ERC2: variants seen among roughly 807,000 people sequenced by gnomAD.
The protein encoded by ERC2 is ERC protein 2.
A neutral mutation model predicts 114.8 loss-of-function variants in ERC2; 42 were observed. The observed-to-expected ratio is 0.37, with a 90% CI of 0.29 to 0.47. The LOEUF (loss-of-function observed/expected upper bound fraction) is 0.47. ERC2 is among the 20% of genes least tolerant of loss of function. ERC2 has a pLI of 0.99. For synonymous variants in ERC2, 454 were observed against 425.5 expected, an observed-to-expected ratio of 1.07 and a Z score of -0.82; for missense variants, 939 against 1,150.7, an observed-to-expected ratio of 0.82 and a Z score of 2.66.
intron 3 of ERC2, among the ~76,000 whole-genome samples, chr3:56,249,273 A>C (rs1576075071): frequency 6.6e-6 from 1 of 152,236 alleles, no homozygotes; most frequent in Non-Finnish European, 1.5e-5. Context: ...AACATGAGGC[A>C]TGAGAGACCT....
In ERC2 at chr3:56,000,503, C is replaced by T. The variant is rs577298893; in HGVS notation, c.2061+6678G>A. Among the ~76,000 whole-genome samples the T allele has an allele frequency of 5.9e-5, 9 of 152,000 alleles. No individual in the cohort carries two copies. The Middle Eastern group carries it at 0.01, about 172-fold the overall frequency. The stretch of plus-strand genomic sequence containing the variant: ...GTGCTTAACTGATTTAAACTACTTA[C>T]GTAAGAAAAAATACAAAAAGCTAAT... On this transcript the variant is annotated intron_variant, in intron 10 of 17. Transcript: ENST00000288221.
chr3:55,945,080 TA>T (rs1260032455), intron 13 of ERC2, among the ~76,000 whole-genome samples: 2 of 152,196 alleles, frequency 1.3e-5, no homozygotes, highest in Non-Finnish European at 2.9e-5. Flanking sequence ...TTCACAGCAT[TA>T]AAAACAAATC....
At chr3:55,811,602 T>G (rs1327717339) in intron 14 of ERC2, among the ~76,000 whole-genome samples, 1 of 152,208 alleles carries the variant, frequency 6.6e-6, no homozygotes, top group African/African-American at 2.4e-5. Flanking sequence ...CCACCTAGCC[T>G]TTGCCTATGT....
intron 17 of ERC2, among the ~76,000 whole-genome samples, chr3:55,593,928 T>C (rs964139505): frequency 6.6e-6 from 1 of 152,168 alleles, no homozygotes; most frequent in Non-Finnish European, 1.5e-5. Context: ...TCTTTTACCA[T>C]CACAGTGATA....
intron 2 of ERC2, among the ~76,000 whole-genome samples, chr3:56,417,629 G>C (rs955247355): frequency 7.9e-5 from 12 of 152,258 alleles, no homozygotes; most frequent in Middle Eastern, 6.8e-3. Flanking sequence ...CTATTTTACA[G>C]GTAAGGAAAC....
intron 6 of ERC2, among the ~76,000 whole-genome samples, chr3:56,112,326 C>T (rs1027741222): frequency 1.3e-5 from 2 of 152,070 alleles, no homozygotes; most frequent in African/African-American, 4.8e-5. Flanking sequence ...ATTTTTGTCA[C>T]AAGTTTAAAG....
intron 17 of ERC2, among the ~76,000 whole-genome samples, chr3:55,556,451 A>G (rs943586534): frequency 6.6e-6 from 1 of 152,196 alleles, no homozygotes; most frequent in Non-Finnish European, 1.5e-5. Flanking sequence ...CTTTCTGTCC[A>G]GAAGCTCCCA....
At chr3:56,407,875 A>T (rs1415140864) in intron 2 of ERC2, among the ~76,000 whole-genome samples, 4 of 151,970 alleles carry the variant, frequency 2.6e-5, no homozygotes, top group Non-Finnish European at 5.9e-5. Flanking sequence ...TGCACACACT[A>T]TTCCCCCACC....
chr3:55,530,871 A>T (rs954875800), intron 17 of ERC2, among the ~76,000 whole-genome samples: 1 of 152,182 alleles, frequency 6.6e-6, no homozygotes, highest in Non-Finnish European at 1.5e-5. Flanking sequence ...TCCCCCCTCC[A>T]CCAGAACACC....
chr3:56,007,307 G>A lies in ERC2; in HGVS notation c.1935C>T (p.Asp645=), dbSNP rs367999451. 7.6e-5 allele frequency: 122 copies of A among 1,598,316 alleles called. No individual in the cohort carries two copies. The highest frequency in any genetic ancestry group is 5.5e-5 in the Non-Finnish European group (64 of 1,172,050). The change falls in exon 10 of 18, where the codon GAC becomes GAT. Residue 645 remains aspartate, a synonymous_variant. Coordinates refer to ENST00000288221, the MANE Select transcript of ERC2 (RefSeq NM_015576.3). ...CTAATGAAGATGCATGTTCTTTGAGGTCAATTAAACTAGACTGAAAGAGAA... is the reference window on the plus strand; with the variant it reads ...CTAATGAAGATGCATGTTCTTTGAGATCAATTAAACTAGACTGAAAGAGAA... ...ELTEKESSLI[D]LKEHASSLAS...
chr3:55,694,471 C>T (rs2062830147), intron 16 of ERC2, among the ~76,000 whole-genome samples: 1 of 152,174 alleles, frequency 6.6e-6, no homozygotes, highest in Admixed American at 6.5e-5. Context: ...TCTCCATGCT[C>T]CTAAACTCAT....
chr3:56,111,317 T>TTCTC (rs568063675), intron 6 of ERC2, among the ~76,000 whole-genome samples: 1 of 141,808 alleles, frequency 7.1e-6, no homozygotes, highest in Non-Finnish European at 1.5e-5. Context: ...CTCTCCCTCT[T>TTCTC]TCTCTCTCTC....
chr3:55,734,563 A>T (rs2065505025), intron 15 of ERC2, among the ~76,000 whole-genome samples: 2 of 152,218 alleles, frequency 1.3e-5, no homozygotes, highest in South Asian at 4.1e-4. Context: ...ACTGGTTGCA[A>T]ACCACACAAG....
intron 7 of ERC2, among the ~76,000 whole-genome samples, chr3:56,019,422 G>A (rs1284983767): frequency 6.6e-6 from 1 of 152,158 alleles, no homozygotes; most frequent in African/African-American, 2.4e-5. Context: ...GACATTTACT[G>A]GAGAGCCCAT....
rs80159197 is a variant in ERC2, at chr3:56,052,359, G to A, written c.1641+28458C>T. On this transcript the variant is annotated intron_variant, in intron 7 of 17. Transcript: ENST00000288221. Reference sequence around the variant, plus strand: ...TAGAGAGCCAGTATTACGGGAAAAGGCAGCAGTATGCTAATGCGCAGGGTC... The same window carrying A: ...TAGAGAGCCAGTATTACGGGAAAAGACAGCAGTATGCTAATGCGCAGGGTC... Among the ~76,000 whole-genome samples the A allele has an allele frequency of 6.0e-3, 908 of 152,326 alleles. 16 individuals carry two copies. In the South Asian group the frequency reaches 0.068, roughly 11 times the overall value.
At chr3:55,596,752 T>A (rs9826912) in intron 17 of ERC2, among the ~76,000 whole-genome samples, 4,905 of 152,174 alleles carry the variant, frequency 0.032, 259 homozygotes, top group African/African-American at 0.11. Flanking sequence ...AGAAGATTAT[T>A]AATGAAAGAT....
At chr3:56,407,608 G>T (rs2060778358) in intron 2 of ERC2, among the ~76,000 whole-genome samples, 1 of 152,150 alleles carries the variant, frequency 6.6e-6, no homozygotes, top group South Asian at 2.1e-4. Context: ...TTGTGAAAAT[G>T]CAGGTCTGAT....
intron 13 of ERC2, among the ~76,000 whole-genome samples, chr3:55,928,866 T>C (rs914632140): frequency 6.6e-6 from 1 of 152,262 alleles, no homozygotes; most frequent in African/African-American, 2.4e-5. Context: ...GAAGAGACTG[T>C]CCTTTCCCCA....
At chr3:55,546,163 G>A (rs551634659) in intron 17 of ERC2, among the ~76,000 whole-genome samples, 14 of 152,242 alleles carry the variant, frequency 9.2e-5, no homozygotes, top group African/African-American at 1.2e-4. Flanking sequence ...GAATAACGGC[G>A]ACAGCAGCTA....
Sources: allele counts gnomAD v4.1 joint callset (sites outside exome capture counted in the v4.1 genomes callset), GRCh38; gene constraint gnomAD v4.1.1; transcripts MANE v1.5; gene names NCBI Gene and HGNC (gene_info 2026-07-23, HGNC 2026-07-21).